The following GALK1 variants were observed in gnomAD, a reference collection of about 807,000 sequenced individuals.
GALK1 encodes the protein galactokinase 1.
In GALK1, 30 loss-of-function variants were observed where a neutral mutation model predicts 38.6. The observed-to-expected ratio is 0.78, with a 90% CI of 0.58 to 1.05. GALK1 has a LOEUF of 1.05. GALK1 is among the 50% of genes least tolerant of loss of function. GALK1 has a pLI of 0.00. For synonymous variants in GALK1, 240 were observed against 233.6 expected, an observed-to-expected ratio of 1.03 and a Z score of -0.25; for missense variants, 512 against 540.5, an observed-to-expected ratio of 0.95 and a Z score of 0.52.
intron 1 of GALK1, 180 bp from the exon 2 acceptor site, chr17:75,764,266 C>T (rs765588344): frequency 1.3e-5 from 10 of 775,538 alleles, no homozygotes; most frequent in Non-Finnish European, 2.3e-5. Context: ...GCCCTGCCCC[C>T]TTAGGTCTTC....
Position 75,763,941 on chromosome 17 carries a change from G to A in GALK1, c.311C>T (p.Pro104Leu), listed in dbSNP as rs1568395572. 5 of 1,613,790 alleles carry A rather than the reference G, an allele frequency of 3.1e-6. No individual in the cohort carries two copies. In the South Asian group the frequency reaches 4.4e-5, roughly 14 times the overall value. The change falls in exon 2 of 8, where the codon CCT becomes CTT. Residue 104 changes from proline (P) to leucine (L), a missense_variant. Transcript: ENST00000588479. ...TAQRSLEPGT[P>L]RWANYVKGVI... ...TCCCTTGACATAGTTGGCCCACCGAGGAGTCCCAGGCTCCAGCGAGCGCTG... is the reference window on the plus strand; with the variant it reads ...TCCCTTGACATAGTTGGCCCACCGAAGAGTCCCAGGCTCCAGCGAGCGCTG...
At chr17:75,756,946 C>T (rs1316986036), downstream of GALK1, 3 of 1,612,588 alleles carry the variant, frequency 1.9e-6, no homozygotes, top group Non-Finnish European at 2.5e-6. Context: ...TGCTCAGGGC[C>T]AGCCACCGCA....
chr17:75,758,461 T>A lies in GALK1; in HGVS notation c.932A>T (p.His311Leu). 6.3e-7 allele frequency: 1 copy of A among 1,575,304 alleles called. No homozygotes were observed. The highest frequency in any genetic ancestry group is 8.6e-7 in the Non-Finnish European group (1 of 1,161,966). ...CAGAGGGCCTCACCTGAGTGAGCGGTGGCTCTCCACCATGAGGCGGCCAAA... is the reference window on the plus strand; with the variant it reads ...CAGAGGGCCTCACCTGAGTGAGCGGAGGCTCTCCACCATGAGGCGGCCAAA... ...RAFGRLMVES[H>L]RSLRDDYEVS... Residue 311 changes from histidine to leucine, a missense_variant, in exon 6 of 8, where the codon CAC (histidine) becomes CTC (leucine). By Grantham distance (99) the His-to-Leu change is moderately conservative. Coordinates refer to ENST00000588479, the MANE Select transcript of GALK1 (RefSeq NM_000154.2).
chr17:75,755,590 C>T (rs542439183), downstream of GALK1: 141 of 1,377,436 alleles, frequency 1.0e-4, no homozygotes, highest in East Asian at 3.1e-4. Context: ...GTCCAGCCAG[C>T]GGTCAGTGTA....
At position 75,758,238 on chromosome 17, in the gene GALK1, G is replaced by A. The variant is rs1266426730; in HGVS notation, c.1079C>T (p.Ala360Val). ...GCTVTLLEAS[A>V]APHAMRHIQE... ...GATGTGCCGCATGGCGTGGGGAGCAGCGGAGGCCTCCAGCAGTGTCACCGT... is the reference window on the plus strand; with the variant it reads ...GATGTGCCGCATGGCGTGGGGAGCAACGGAGGCCTCCAGCAGTGTCACCGT... The change falls in exon 7 of 8, where the codon GCT becomes GTT. Residue 360 changes from alanine (A) to valine (V), a missense_variant. Physicochemically the swap from Ala to Val is moderately conservative, Grantham distance 64. Transcript: ENST00000588479. 1 of 1,602,958 alleles carries A rather than the reference G, an allele frequency of 6.2e-7. No individual in the cohort carries two copies. The highest frequency in any genetic ancestry group is 8.5e-7 in the Non-Finnish European group (1 of 1,175,800).
At chr17:75,757,010 C>T (rs201439404), downstream of GALK1, 28 of 1,612,874 alleles carry the variant, frequency 1.7e-5, 1 homozygote, top group Admixed American at 2.5e-4. Context: ...CGGGCCTCAG[C>T]GAGAACGTGC....
intron 5 of GALK1, among the ~76,000 whole-genome samples, chr17:75,761,630 GA>G (rs76350654): frequency 0.06 from 3,716 of 61,526 alleles, 133 homozygotes; most frequent in East Asian, 0.21. Context: ...AAAAAAAAAA[GA>G]AAAAAAAAAA....
intron 1 of GALK1, 196 bp from the exon 2 acceptor site, chr17:75,764,282 C>T (rs751065110): frequency 1.7e-5 from 13 of 762,544 alleles, no homozygotes; most frequent in East Asian, 2.4e-5. Context: ...TCTTCAGGGG[C>T]GGGGCGGCTG....
Position 75,765,160 on chromosome 17 carries a change from A to G in GALK1, c.-24T>C, listed in dbSNP as rs1487227635. 6.7e-7 allele frequency: 1 copy of G among 1,501,816 alleles called. No individual in the cohort carries two copies. The highest frequency in any genetic ancestry group is 2.2e-5 in the Admixed American group (1 of 46,290). The allele number at this position is 1,501,816 out of a possible 1,614,324, so 93.0% of individuals were successfully genotyped here. A position where few individuals can be genotyped will look rare whatever the true frequency, so the allele number is the denominator to read the frequency against. ...ATGACGCGCGCCTGCAGCTCTGCAC[A>G]GCTGCTCCGGCACAGCCCCGTCGGC... On this transcript the variant is annotated 5_prime_UTR_variant, in exon 1 of 8. Coordinates refer to ENST00000588479, the MANE Select transcript of GALK1 (RefSeq NM_000154.2).
rs2061598790 is a variant in GALK1, at chr17:75,763,916, T to A, written c.336A>T (p.Gly112=). Residue 112 remains glycine (G), a synonymous_variant, in exon 2 of 8, where the codon GGA becomes GGT. Coordinates refer to ENST00000588479, the MANE Select transcript of GALK1 (RefSeq NM_000154.2). ...CCATACCTGGGTAGTACTGAATCAC[T>A]CCCTTGACATAGTTGGCCCACCGAG... ...GTPRWANYVK[G]VIQYYPAAPL... 3.1e-6 allele frequency: 5 copies of A among 1,613,858 alleles called. No individual in the cohort carries two copies. The highest frequency in any genetic ancestry group is 4.2e-6 in the Non-Finnish European group (5 of 1,179,982).
At chr17:75,756,749 T>A (rs756055248), downstream of GALK1, 7 of 1,612,920 alleles carry the variant, frequency 4.3e-6, no homozygotes, top group Non-Finnish European at 5.9e-6. Flanking sequence ...GGCCCGCTGG[T>A]GTTCACTGCC....
At chr17:75,760,498 G>A (rs1303339323) in intron 5 of GALK1, among the ~76,000 whole-genome samples, 1 of 150,564 alleles carries the variant, frequency 6.6e-6, no homozygotes, top group Non-Finnish European at 1.5e-5. Context: ...AGTGGCTCAC[G>A]CCTGTGCCTG....
chr17:75,762,265 T>A (rs999639670), intron 5 of GALK1, among the ~76,000 whole-genome samples: 20 of 150,900 alleles, frequency 1.3e-4, no homozygotes, highest in South Asian at 6.3e-4. Flanking sequence ...TGCAGTAAGC[T>A]ATGATCACAC....
At chr17:75,751,972 G>T in intron 8 of GALK1, 2 of 689,674 alleles carry the variant, frequency 2.9e-6, no homozygotes, top group Non-Finnish European at 5.3e-6. Flanking sequence ...GAGTCCCTTG[G>T]AGGACTGGTG....
In GALK1 at chr17:75,763,034, G is replaced by A. The variant is rs142992759; in HGVS notation, c.591C>T (p.His197=). 61 of 1,612,990 alleles carry A rather than the reference G, an allele frequency of 3.8e-5. No individual in the cohort carries two copies. The African/African-American group carries it at 4.3e-4, about 11-fold the overall frequency. The part of the protein sequence containing the change: ...QFISLMGQKG[H]ALLIDCRSLE... ...CCAACCTGCAGTCAATGAGCAGCGC[G>A]TGGCCTTTCTGTCCCATAAGTGAGA... The change falls in exon 4 of 8, where the codon CAC becomes CAT. Residue 197 remains histidine (H), a synonymous_variant. Coordinates refer to ENST00000588479, the MANE Select transcript of GALK1 (RefSeq NM_000154.2).
At chr17:75,762,331 G>GT (rs1368118129) in intron 5 of GALK1, among the ~76,000 whole-genome samples, 1 of 150,508 alleles carries the variant, frequency 6.6e-6, no homozygotes, top group African/African-American at 2.5e-5. Context: ...AAAAAAGGGG[G>GT]TGGGGGGGGA....
chr17:75,752,384 C>T, intron 8 of GALK1: 2 of 1,612,548 alleles, frequency 1.2e-6, no homozygotes, highest in African/African-American at 2.7e-5. Context: ...AGGTGAGGGG[C>T]AGACCGGGCA....
At chr17:75,757,418 G>A (rs1341960652), downstream of GALK1, 7 of 1,613,148 alleles carry the variant, frequency 4.3e-6, no homozygotes, top group East Asian at 2.2e-5. Context: ...CTCCACAGAT[G>A]GGCTGACCCT....
Position 75,763,066 on chromosome 17 carries a change from G to A in GALK1, c.559C>T (p.Gln187Ter). The A allele has an allele frequency of 6.2e-7, 1 of 1,612,954 alleles. No individual in the cohort carries two copies. The highest frequency in any genetic ancestry group is 8.5e-7 in the Non-Finnish European group (1 of 1,180,008). ...FAGMPCGIMD[Q>*]FISLMGQKGH... ...TTCTGTCCCATAAGTGAGATGAACT[G>A]GTCCATGATGCCACAGGGCATCCCT... Residue 187 changes from glutamine to a stop codon, truncating the protein, a stop_gained, in exon 4 of 8, where the codon CAG becomes TAG. Coordinates refer to ENST00000588479, the MANE Select transcript of GALK1 (RefSeq NM_000154.2). LOFTEE classifies it high-confidence loss of function.
Sources: allele counts gnomAD v4.1 joint callset (sites outside exome capture counted in the v4.1 genomes callset), GRCh38; gene constraint gnomAD v4.1.1; transcripts MANE v1.5; gene names NCBI Gene and HGNC (gene_info 2026-07-23, HGNC 2026-07-21).